Variants in KLF7 observed in about 807,000 individuals in gnomAD.
The protein encoded by KLF7 is Krueppel-like factor 7.
In KLF7, 2 loss-of-function variants were observed where a neutral mutation model predicts 27.3. The observed-to-expected ratio is 0.07, with a 90% CI of 0.03 to 0.23. The LOEUF is 0.23. Among genes scored for constraint, KLF7 ranks in the 10% least tolerant of loss-of-function variants. The pLI is 1.00. For missense variants in KLF7, 221 were observed against 394.1 expected (o/e 0.56, Z 3.72); for synonymous variants, 165 against 162.4 (o/e 1.02, Z -0.12).
intron 2 of KLF7, among the ~76,000 whole-genome samples, chr2:207,102,167 T>TC (rs1001676396): frequency 2.5e-5 from 3 of 119,334 alleles, no homozygotes; most frequent in Middle Eastern, 4.2e-3. Flanking sequence ...CACCCTGCCC[T>TC]CCCCCCCAAT....
At chr2:207,119,794 C>T (rs1025185216) in intron 2 of KLF7, among the ~76,000 whole-genome samples, 1 of 152,168 alleles carries the variant, frequency 6.6e-6, no homozygotes, top group African/African-American at 2.4e-5. Flanking sequence ...ACCTCCGCCT[C>T]CTGGGGTCAA....
chr2:207,162,453 G>T (rs1278159517), intron 1 of KLF7, among the ~76,000 whole-genome samples: 1 of 152,174 alleles, frequency 6.6e-6, no homozygotes, highest in Non-Finnish European at 1.5e-5. Flanking sequence ...ATGTTACTTG[G>T]GCCGAGTGCT....
chr2:207,121,077 T>C (rs2077328082), intron 2 of KLF7: 1 of 152,232 alleles, frequency 6.6e-6, no homozygotes. Flanking sequence ...GGCAAAATGC[T>C]TCTGTGGATG....
chr2:207,162,531 T>C (rs1311335608), intron 1 of KLF7, among the ~76,000 whole-genome samples: 1 of 152,206 alleles, frequency 6.6e-6, no homozygotes, highest in East Asian at 1.9e-4. Flanking sequence ...ATTTCAGAAT[T>C]ATACCAGCAA....
chr2:207,100,021 T>C (rs972131879), intron 2 of KLF7, among the ~76,000 whole-genome samples: 1 of 152,210 alleles, frequency 6.6e-6, no homozygotes, highest in East Asian at 1.9e-4. Flanking sequence ...TCCCAGCTAC[T>C]TGGGAGACTG....
intron 1 of KLF7, among the ~76,000 whole-genome samples, chr2:207,157,285 A>G (rs1206522197): frequency 1.3e-5 from 2 of 151,864 alleles, no homozygotes; most frequent in African/African-American, 2.4e-5. Flanking sequence ...ATCACGGGGA[A>G]GTAAAAAGCT....
chr2:207,133,900 CTCAT>C (rs1463204354), intron 1 of KLF7, among the ~76,000 whole-genome samples: 1 of 152,174 alleles, frequency 6.6e-6, no homozygotes, highest in East Asian at 1.9e-4. Flanking sequence ...CTAGAGAGCC[CTCAT>C]TCAAACCAAA....
In KLF7 at chr2:207,139,040, G is replaced by A. The variant is rs1330661032; in HGVS notation, c.103-14636C>T. Reference sequence around the variant, plus strand: ...ATGTGAATGAGAGGATCCTTTTTGCGAAGGTAGGGGATGCTTTATCCTCAC... The same window carrying A: ...ATGTGAATGAGAGGATCCTTTTTGCAAAGGTAGGGGATGCTTTATCCTCAC... On this transcript the variant is annotated intron_variant, in intron 1 of 3. Coordinates refer to ENST00000309446, the MANE Select transcript of KLF7 (RefSeq NM_003709.4). Among the ~76,000 whole-genome samples the A allele has an allele frequency of 4.6e-5, 7 of 152,094 alleles. 1 individual carries two copies. The highest frequency in any genetic ancestry group is 2.0e-4 in the Admixed American group (3 of 15,280).
At chr2:207,136,422 A>C (rs796400735) in intron 1 of KLF7, among the ~76,000 whole-genome samples, 83 of 151,670 alleles carry the variant, frequency 5.5e-4, no homozygotes, top group African/African-American at 2.0e-3. Context: ...CCCAGAACGC[A>C]GACTCCCCAG....
intron 1 of KLF7, among the ~76,000 whole-genome samples, chr2:207,158,295 G>A (rs951386174): frequency 1.3e-5 from 2 of 152,072 alleles, no homozygotes; most frequent in African/African-American, 4.8e-5. Flanking sequence ...TAGGGACAAT[G>A]GTAAAAATTA....
At chr2:207,123,443 C>G (rs974728215) in intron 2 of KLF7, among the ~76,000 whole-genome samples, 2 of 152,172 alleles carry the variant, frequency 1.3e-5, no homozygotes, top group African/African-American at 4.8e-5. Context: ...GAGCTACACT[C>G]ATAAAACAAT....
chr2:207,082,265 G>A (rs927228628), intron 3 of KLF7, among the ~76,000 whole-genome samples: 1 of 152,096 alleles, frequency 6.6e-6, no homozygotes, highest in Admixed American at 6.6e-5. Context: ...ACCAGCCCTG[G>A]GACATCTGCT....
intron 1 of KLF7, among the ~76,000 whole-genome samples, chr2:207,141,701 G>A (rs2077947134): frequency 1.3e-5 from 2 of 152,128 alleles, no homozygotes; most frequent in Admixed American, 1.3e-4. Flanking sequence ...GAGTGCGTGA[G>A]ACAAGCAAAG....
At chr2:207,133,149 T>C (rs1314112446) in intron 1 of KLF7, among the ~76,000 whole-genome samples, 3 of 152,198 alleles carry the variant, frequency 2.0e-5, no homozygotes, top group African/African-American at 4.8e-5. Flanking sequence ...TCATCTCCTA[T>C]GCCCTCATCT....
intron 1 of KLF7, chr2:207,134,123 T>G: frequency 6.5e-7 from 1 of 1,527,818 alleles, no homozygotes; most frequent in Non-Finnish European, 8.7e-7. Context: ...CTCTCCCAAA[T>G]CACTTGCACA....
At chr2:207,163,250 G>A (rs2078600389) in intron 1 of KLF7, among the ~76,000 whole-genome samples, 2 of 152,198 alleles carry the variant, frequency 1.3e-5, no homozygotes, top group African/African-American at 4.8e-5. Flanking sequence ...ATCAGCATTG[G>A]CTATAAGCAT....
rs536321816 is a variant in KLF7 at position 207,076,207 on chromosome 2, T to C, written c.*5006A>G. ...TGACGTGGGGTCCATCTTATGGCAG[T>C]AGACAGAAGCTGGACTCACAGCAAG... is the stretch of plus-strand genomic sequence containing the variant. On this transcript the variant is annotated 3_prime_UTR_variant, in exon 4 of 4. Transcript: ENST00000309446. 1 of 152,240 alleles carries C rather than the reference T, an allele frequency of 6.6e-6. No individual in the cohort carries two copies. The highest frequency in any genetic ancestry group is 6.5e-5 in the Admixed American group (1 of 15,286). 9.4% of individuals were successfully genotyped at this position (152,240 alleles called of 1,614,324 possible). A position where few individuals can be genotyped will look rare whatever the true frequency, so the allele number is the denominator to read the frequency against.
intron 1 of KLF7, among the ~76,000 whole-genome samples, chr2:207,126,457 A>G (rs1033670797): frequency 6.6e-6 from 1 of 152,198 alleles, no homozygotes; most frequent in Non-Finnish European, 1.5e-5. Flanking sequence ...GCCATCTTTG[A>G]AACCCTACCC....
chr2:207,167,682 C>G (rs1209450834), upstream of KLF7, among the ~76,000 whole-genome samples: 1 of 152,206 alleles, frequency 6.6e-6, no homozygotes, highest in South Asian at 2.1e-4. Context: ...AATGTAGATG[C>G]AGATGCATCT....
Sources: allele counts gnomAD v4.1 joint callset (sites outside exome capture counted in the v4.1 genomes callset), GRCh38; gene constraint gnomAD v4.1.1; transcripts MANE v1.5; gene names NCBI Gene and HGNC (gene_info 2026-07-23, HGNC 2026-07-21).